Variants in CD55 observed in about 807,000 individuals in gnomAD.
The protein encoded by CD55 is complement decay-accelerating factor.
In CD55, 41 loss-of-function variants were observed where a neutral mutation model predicts 45.8. The observed-to-expected ratio is 0.90, with a 90% CI of 0.70 to 1.16. The LOEUF (loss-of-function observed/expected upper bound fraction) is 1.16, where lower values mean the gene tolerates loss of function less well. Among genes scored for constraint, CD55 ranks in the 50% most tolerant of loss-of-function variants. The probability of loss-of-function intolerance (pLI) is 0.00; values close to 1 mark genes in which losing one functional copy is unlikely to be tolerated. For missense variants in CD55, 416 were observed against 469.8 expected (o/e 0.89, Z 1.06); for synonymous variants, 181 against 181.1 (o/e 1.00, Z 0.01).
rs1656139604 is a variant in CD55 at position 207,357,939 on chromosome 1, C to T, written c.1082-1607C>T. ...AATCAATTAGAACAATTTATTGTAG[C>T]AAAAGTTATGTGAATGGGGTCTCTC... On this transcript the variant is annotated intron_variant, in intron 9 of 9. Transcript: ENST00000367064. 4.6e-5 allele frequency among the ~76,000 whole-genome samples: 7 copies of T among 152,178 alleles called. No homozygotes were observed. In the South Asian group the frequency reaches 1.5e-3, roughly 32 times the overall value.
At chr1:207,337,487 A>G (rs372336194) in intron 8 of CD55, 78 bp downstream of exon 8, 4 of 804,660 alleles carry the variant, frequency 5.0e-6, no homozygotes, top group South Asian at 1.4e-5. Flanking sequence ...CCAAGATTGC[A>G]GGATTAAATG....
chr1:207,346,572 T>C (rs1262011986), intron 9 of CD55, among the ~76,000 whole-genome samples: 1 of 152,120 alleles, frequency 6.6e-6, no homozygotes, highest in Non-Finnish European at 1.5e-5. Context: ...TGCAGTTTGC[T>C]CATGCCTCAG....
intron 9 of CD55, among the ~76,000 whole-genome samples, chr1:207,358,022 G>A (rs1656144634): frequency 6.6e-6 from 1 of 152,182 alleles, no homozygotes; most frequent in Non-Finnish European, 1.5e-5. Flanking sequence ...GCAGTTGACT[G>A]TGGGTAACTG....
chr1:207,340,446 G>T (rs1311139696), intron 9 of CD55: 1 of 664,704 alleles, frequency 1.5e-6, no homozygotes, highest in Non-Finnish European at 2.7e-6. Flanking sequence ...GCTCACTGCA[G>T]TCTCGAACTC....
chr1:207,340,951 G>C (rs1655400977), intron 9 of CD55, among the ~76,000 whole-genome samples: 1 of 152,076 alleles, frequency 6.6e-6, no homozygotes, highest in Non-Finnish European at 1.5e-5. Flanking sequence ...GTCCTCACCA[G>C]CGTCTGTTAT....
chr1:207,350,841 A>G (rs1271679282), intron 9 of CD55, among the ~76,000 whole-genome samples: 4 of 151,998 alleles, frequency 2.6e-5, no homozygotes, highest in African/African-American at 9.7e-5. Context: ...TTGCATCTCA[A>G]TTTTATTCAG....
At chr1:207,334,320 T>A (rs1655077188) in intron 6 of CD55, among the ~76,000 whole-genome samples, 2 of 152,100 alleles carry the variant, frequency 1.3e-5, no homozygotes, top group Admixed American at 1.3e-4. Context: ...AAAATAGAGA[T>A]GTATTCAGAC....
chr1:207,347,088 C>T (rs1427183582), intron 9 of CD55: 4 of 456,198 alleles, frequency 8.8e-6, no homozygotes, highest in African/African-American at 4.0e-5. Flanking sequence ...AGTGTTCTCT[C>T]TTTGATGATC....
At chr1:207,331,024 T>C (rs1207441609) in intron 5 of CD55, 84 bp from the exon 6 acceptor site, 3 of 1,016,896 alleles carry the variant, frequency 3.0e-6, no homozygotes, top group Non-Finnish European at 4.3e-6. Flanking sequence ...CTTTAAAATA[T>C]AATCTTTAAC....
intron 5 of CD55, among the ~76,000 whole-genome samples, chr1:207,328,111 C>T (rs146890204): frequency 1.3e-5 from 2 of 152,290 alleles, no homozygotes; most frequent in Non-Finnish European, 2.9e-5. Flanking sequence ...GACAGAAATG[C>T]AAACCCACTT....
chr1:207,322,149 G>A, intron 1 of CD55: 1 of 672,296 alleles, frequency 1.5e-6, no homozygotes, highest in African/African-American at 1.8e-5. Context: ...GAAAGGGAGG[G>A]CTCAAAGAGA....
chr1:207,350,102 A>G (rs1159125948), intron 9 of CD55: 1 of 454,704 alleles, frequency 2.2e-6, no homozygotes, highest in Admixed American at 2.4e-5. Flanking sequence ...CTTTTCTACA[A>G]CAATTGAGAT....
intron 9 of CD55, among the ~76,000 whole-genome samples, chr1:207,345,409 G>T (rs549063428): frequency 4.6e-5 from 7 of 151,754 alleles, no homozygotes; most frequent in Admixed American, 2.6e-4. Flanking sequence ...TCCAGAAGTT[G>T]TTTGGTTCTT....
At chr1:207,330,150 A>G (rs1423835719) in intron 5 of CD55, among the ~76,000 whole-genome samples, 1 of 152,188 alleles carries the variant, frequency 6.6e-6, no homozygotes, top group African/African-American at 2.4e-5. Context: ...GAACTGAACC[A>G]ATGGTGTGTG....
At chr1:207,330,809 G>C (rs753455862) in intron 5 of CD55, among the ~76,000 whole-genome samples, 2 of 152,048 alleles carry the variant, frequency 1.3e-5, no homozygotes, top group Admixed American at 1.3e-4. Context: ...TCCTAGCACC[G>C]TTTTGATATG....
At chr1:207,344,815 C>T (rs191798899) in intron 9 of CD55, among the ~76,000 whole-genome samples, 208 of 152,106 alleles carry the variant, frequency 1.4e-3, no homozygotes, top group Middle Eastern at 6.8e-3. Flanking sequence ...CAAGTTCAAG[C>T]GATTCTCCCA....
chr1:207,331,334 T>C, intron 6 of CD55, 38 bp downstream of exon 6: 1 of 1,528,884 alleles, frequency 6.5e-7, no homozygotes, highest in Non-Finnish European at 9.0e-7. Context: ...GCTTTATTCT[T>C]ACCCTCAGGT....
At chr1:207,325,944 T>A (rs1654662184) in intron 4 of CD55, among the ~76,000 whole-genome samples, 1 of 152,192 alleles carries the variant, frequency 6.6e-6, no homozygotes, top group Admixed American at 6.5e-5. Flanking sequence ...AAATTCTGAT[T>A]TCAGTAAATA....
intron 9 of CD55, among the ~76,000 whole-genome samples, chr1:207,353,590 C>T (rs189073189): frequency 6.6e-6 from 1 of 152,148 alleles, no homozygotes; most frequent in African/African-American, 2.4e-5. Context: ...ACTTAAGTCC[C>T]ATTATAAAGT....
Sources: allele counts gnomAD v4.1 joint callset (sites outside exome capture counted in the v4.1 genomes callset), GRCh38; gene constraint gnomAD v4.1.1; transcripts MANE v1.5; gene names NCBI Gene and HGNC (gene_info 2026-07-23, HGNC 2026-07-21).